Variants in CSTPP1 observed in about 807,000 individuals in gnomAD.
CSTPP1 encodes centriolar satellite-associated tubulin polyglutamylase complex regulator 1.
At chr11:46,952,495 G>C in the CSTPP1 span, among the ~76,000 whole-genome samples, 1 of 152,204 alleles carries the variant, frequency 6.6e-6, no homozygotes. Flanking sequence ...GTCATACCTA[G>C]TATATGCGGT....
At chr11:46,962,870 C>T in the CSTPP1 span, among the ~76,000 whole-genome samples, 1 of 152,068 alleles carries the variant, frequency 6.6e-6, no homozygotes, top group Non-Finnish European at 1.5e-5. Flanking sequence ...GGGAGAATCA[C>T]CTGAACCTAG....
At chr11:46,966,046 T>G in the CSTPP1 span, among the ~76,000 whole-genome samples, 25 of 152,252 alleles carry the variant, frequency 1.6e-4, no homozygotes, top group East Asian at 5.8e-4. Context: ...AAAGTCTTTT[T>G]TTTGTTTGTT....
At chr11:47,093,764 G>T in the CSTPP1 span, among the ~76,000 whole-genome samples, 3 of 152,148 alleles carry the variant, frequency 2.0e-5, no homozygotes, top group Non-Finnish European at 2.9e-5. Flanking sequence ...GGTTGGGAAG[G>T]GACTTAAGCG....
the CSTPP1 span, among the ~76,000 whole-genome samples, chr11:46,963,415 T>G: frequency 6.6e-6 from 1 of 152,068 alleles, no homozygotes; most frequent in South Asian, 2.1e-4. Context: ...GTTTAAGTCT[T>G]TTTAAAATCC....
the CSTPP1 span, among the ~76,000 whole-genome samples, chr11:46,999,533 A>G: frequency 6.6e-6 from 1 of 152,304 alleles, no homozygotes; most frequent in Admixed American, 6.5e-5. Flanking sequence ...TCTTCTAGCT[A>G]TAATTTCTAC....
chr11:47,161,401 TGGAGGCCCTGCTCTCTGTACA>T, the CSTPP1 span: 34 of 1,602,360 alleles, frequency 2.1e-5, no homozygotes, highest in South Asian at 3.8e-4. Flanking sequence ...AGAGTGGGCA[TGGAGGCCCTGCTCTCTGTACA>T]GGAGGCCTCT....
chr11:47,015,981 C>A, the CSTPP1 span, among the ~76,000 whole-genome samples: 1 of 152,100 alleles, frequency 6.6e-6, no homozygotes, highest in South Asian at 2.1e-4. Context: ...ACTGTTCATG[C>A]TGTCTCTCAC....
chr11:47,101,175 TTTTTTTTTTTTTTTATTTTA>T, the CSTPP1 span, among the ~76,000 whole-genome samples: 3 of 88,746 alleles, frequency 3.4e-5, no homozygotes, highest in African/African-American at 7.5e-5. Flanking sequence ...TTTTTTTTTT[TTTTTTTTTTTTTTTATTTTA>T]TTTTTAGTAG....
At chr11:47,046,269 G>T in the CSTPP1 span, among the ~76,000 whole-genome samples, 1 of 107,992 alleles carries the variant, frequency 9.3e-6, no homozygotes, top group Non-Finnish European at 1.9e-5. Flanking sequence ...GCATCCTAAA[G>T]AATCCACCAA....
chr11:47,110,887 C>T, the CSTPP1 span, among the ~76,000 whole-genome samples: 7 of 109,888 alleles, frequency 6.4e-5, no homozygotes, highest in South Asian at 3.1e-4. Context: ...CAAGAGAACA[C>T]ATCTTTTTTT....
chr11:47,157,345 A>G, the CSTPP1 span: 2 of 1,083,250 alleles, frequency 1.8e-6, no homozygotes, highest in East Asian at 2.8e-5. Flanking sequence ...GTCATAATGT[A>G]ACAGTGCCAT....
the CSTPP1 span, among the ~76,000 whole-genome samples, chr11:47,043,776 G>C: frequency 4.0e-5 from 6 of 151,094 alleles, no homozygotes; most frequent in Admixed American, 3.3e-4. Flanking sequence ...TGGATCACTT[G>C]AGCCCAGGAG....
chr11:47,153,792 C>T, the CSTPP1 span, among the ~76,000 whole-genome samples: 57 of 152,266 alleles, frequency 3.7e-4, no homozygotes, highest in African/African-American at 1.3e-3. Context: ...AAGGGAGTGG[C>T]ACCACAATAT....
At chr11:47,047,592 A>C in the CSTPP1 span, among the ~76,000 whole-genome samples, 1 of 152,236 alleles carries the variant, frequency 6.6e-6, no homozygotes, top group African/African-American at 2.4e-5. Context: ...CAGTTTTCAT[A>C]ACATTAAATT....
At chr11:46,942,429 T>G in the CSTPP1 span, among the ~76,000 whole-genome samples, 2 of 152,208 alleles carry the variant, frequency 1.3e-5, no homozygotes, top group Non-Finnish European at 2.9e-5. Context: ...GACCTGAGTA[T>G]AAGCATGAGG....
chr11:47,133,143 T>C, the CSTPP1 span, among the ~76,000 whole-genome samples: 2 of 152,182 alleles, frequency 1.3e-5, no homozygotes, highest in Admixed American at 1.3e-4. Context: ...AACTCCAAAG[T>C]CCATGCTATT....
chr11:47,008,091 C>T, the CSTPP1 span, among the ~76,000 whole-genome samples: 1 of 152,128 alleles, frequency 6.6e-6, no homozygotes, highest in Non-Finnish European at 1.5e-5. Flanking sequence ...CCTCAGCCTC[C>T]CAAGTAGCTG....
chr11:46,938,512 CT>C, the CSTPP1 span, among the ~76,000 whole-genome samples: 1 of 149,694 alleles, frequency 6.7e-6, no homozygotes, highest in African/African-American at 2.4e-5. Flanking sequence ...GAAAAATCCC[CT>C]GTGCTCCACC....
the CSTPP1 span, among the ~76,000 whole-genome samples, chr11:46,998,747 G>GT: frequency 6.7e-6 from 1 of 150,360 alleles, no homozygotes. Flanking sequence ...GTTTTTTTTT[G>GT]TTTTTTGAGA....
Sources: gnomAD v4.1 joint callset for allele counts (sites outside exome capture counted in the v4.1 genomes callset) on GRCh38, gnomAD v4.1.1 for gene constraint, MANE v1.5 for transcripts, NCBI Gene and HGNC (gene_info 2026-07-23, HGNC 2026-07-21) for gene names.